Variants in ASIC2 observed in about 807,000 individuals in gnomAD.
ASIC2 encodes the protein acid-sensing ion channel 2.
In ASIC2, 25 loss-of-function variants were observed where a neutral mutation model predicts 57.3. The ratio of observed to expected loss-of-function variants is 0.44; its 90% CI spans 0.32 to 0.61. The LOEUF (loss-of-function observed/expected upper bound fraction) is 0.61, where lower values mean the gene tolerates loss of function less well. Ranked by LOEUF, ASIC2 falls within the 20% of genes least tolerant of loss-of-function variation. The probability of loss-of-function intolerance (pLI) is 0.06; values close to 1 mark genes in which losing one functional copy is unlikely to be tolerated. For missense variants in ASIC2, 641 were observed against 738.1 expected (o/e 0.87, Z 1.52); for synonymous variants, 319 against 307.5 (o/e 1.04, Z -0.39).
intron 1 of ASIC2, among the ~76,000 whole-genome samples, chr17:33,484,762 A>C (rs886896491): frequency 1.3e-5 from 2 of 152,232 alleles, no homozygotes; most frequent in African/African-American, 2.4e-5. Flanking sequence ...AGAAATGCCC[A>C]TGAGTGTGAC....
Position 34,131,810 on chromosome 17 carries a change from A to G in ASIC2, c.555+24168T>C, listed in dbSNP as rs1434093733. ...CCCCCTGTCCAAATGGGACCAGATA[A>G]ACAAGAGGCCCTGAAAGGTCTGAGA... On this transcript the variant is annotated intron_variant, in intron 1 of 9. Transcript: ENST00000359872. Among the ~76,000 whole-genome samples the G allele has an allele frequency of 3.9e-5, 6 of 152,170 alleles. No individual in the cohort carries two copies. In the South Asian group the frequency reaches 1.0e-3, roughly 26 times the overall value.
chr17:33,596,446 G>A lies in ASIC2; in HGVS notation c.556-484379C>T, dbSNP rs562661676. On this transcript the variant is annotated intron_variant, in intron 1 of 9. Coordinates refer to the ASIC2 transcript ENST00000359872. ...ACAAACCAATTTTGATATAACGGGGGAGAAAAGGTAAGAGGGTAGGAGCAA... is the reference window on the plus strand; with the variant it reads ...ACAAACCAATTTTGATATAACGGGGAAGAAAAGGTAAGAGGGTAGGAGCAA... 4.6e-5 allele frequency among the ~76,000 whole-genome samples: 7 copies of A among 152,246 alleles called. No individual in the cohort carries two copies. In the South Asian group the frequency reaches 1.2e-3, roughly 27 times the overall value.
chr17:33,854,608 G>A lies in ASIC2; in HGVS notation c.555+301370C>T, dbSNP rs111893400. Reference sequence around the variant, plus strand: ...GTAGGGAACTGTGGGTGGGGGAAGCGGCTTCTTTACAGGAGCAAGATCTGC... The same window carrying A: ...GTAGGGAACTGTGGGTGGGGGAAGCAGCTTCTTTACAGGAGCAAGATCTGC... On this transcript the variant is annotated intron_variant, in intron 1 of 9. Coordinates refer to the ASIC2 transcript ENST00000359872. Among the ~76,000 whole-genome samples the A allele has an allele frequency of 7.4e-3, 1,123 of 152,236 alleles. 11 individuals carry two copies. The highest frequency in any genetic ancestry group is 0.021 in the African/African-American group (869 of 41,522).
At chr17:33,193,688 A>G (rs546406261) in intron 1 of ASIC2, among the ~76,000 whole-genome samples, 1 of 152,038 alleles carries the variant, frequency 6.6e-6, no homozygotes, top group Non-Finnish European at 1.5e-5. Context: ...AGGCCTGGGG[A>G]TCTTGTTATG....
At chr17:33,390,169 C>G (rs555853014) in intron 1 of ASIC2, among the ~76,000 whole-genome samples, 16 of 152,102 alleles carry the variant, frequency 1.1e-4, no homozygotes, top group Non-Finnish European at 2.1e-4. Flanking sequence ...AAAAATTAGC[C>G]AGGTGTGGTG....
chr17:33,427,322 C>A (rs2141975868), intron 1 of ASIC2, among the ~76,000 whole-genome samples: 1 of 152,284 alleles, frequency 6.6e-6, no homozygotes, highest in East Asian at 1.9e-4. Flanking sequence ...CAAGTATTTT[C>A]ATGTTGCAGA....
intron 3 of ASIC2, among the ~76,000 whole-genome samples, chr17:33,053,030 A>G (rs1320254827): frequency 6.6e-6 from 1 of 152,204 alleles, no homozygotes; most frequent in African/African-American, 2.4e-5. Flanking sequence ...GGCAGCATGG[A>G]GAACCGCCCA....
chr17:33,976,619 G>C (rs1271337601), intron 1 of ASIC2: 3 of 152,150 alleles, frequency 2.0e-5, no homozygotes, highest in Non-Finnish European at 4.4e-5. Flanking sequence ...TCCAGGAGGA[G>C]GGCATCATTA....
chr17:34,129,754 A>C lies in ASIC2; in HGVS notation c.555+26224T>G, dbSNP rs56164744. ...GAAGCCTTTTATAATGGAATACCTA[A>C]AACAGGGCATACTAGTAGCTGCTTC... On this transcript the variant is annotated intron_variant, in intron 1 of 9. Transcript: ENST00000359872. Among the ~76,000 whole-genome samples the C allele has an allele frequency of 9.0e-3, 1,372 of 152,326 alleles. 27 individuals are homozygous for C. Among genetic ancestry groups the C allele is most frequent in the African/African-American group, 0.032 (1,311 of 41,556 alleles).
Position 34,132,887 on chromosome 17 carries a change from T to C in ASIC2, c.555+23091A>G, listed in dbSNP as rs1238323993. Among the ~76,000 whole-genome samples the C allele has an allele frequency of 2.0e-5, 3 of 152,216 alleles. No individual in the cohort carries two copies. The East Asian group carries it at 5.8e-4, about 29-fold the overall frequency. ...CCTGGAAGCCTGTGCTCAGCTGACCTCTGTAGACAGTGAGGGTAGGGCTCC... is the reference window on the plus strand; with the variant it reads ...CCTGGAAGCCTGTGCTCAGCTGACCCCTGTAGACAGTGAGGGTAGGGCTCC... On this transcript the variant is annotated intron_variant, in intron 1 of 9. Transcript: ENST00000359872.
intron 1 of ASIC2, among the ~76,000 whole-genome samples, chr17:33,176,176 A>G (rs917737439): frequency 3.3e-5 from 5 of 152,100 alleles, no homozygotes; most frequent in Admixed American, 3.3e-4. Flanking sequence ...GGCTGGGCAG[A>G]CAGCATCCTG....
intron 1 of ASIC2, among the ~76,000 whole-genome samples, chr17:33,557,696 A>G (rs900013004): frequency 1.3e-5 from 2 of 152,196 alleles, no homozygotes; most frequent in Non-Finnish European, 2.9e-5. Flanking sequence ...ATATGATAAC[A>G]CCAATGATCT....
At chr17:33,721,666 A>G (rs1345470156) in intron 1 of ASIC2, among the ~76,000 whole-genome samples, 2 of 152,268 alleles carry the variant, frequency 1.3e-5, no homozygotes. Flanking sequence ...GATTACAGGC[A>G]TGTGCCACTG....
intron 1 of ASIC2, among the ~76,000 whole-genome samples, chr17:33,346,383 G>C (rs1907951022): frequency 6.6e-6 from 1 of 152,072 alleles, no homozygotes; most frequent in Non-Finnish European, 1.5e-5. Context: ...GAGTAGAAGG[G>C]AACTTCAAGA....
Position 33,138,904 on chromosome 17 carries a change from T to C in ASIC2, c.709-26837A>G, listed in dbSNP as rs530153255. 3.3e-5 allele frequency among the ~76,000 whole-genome samples: 5 copies of C among 152,308 alleles called. No individual in the cohort carries two copies. The South Asian group carries it at 8.3e-4, about 25-fold the overall frequency. On this transcript the variant is annotated intron_variant, in intron 1 of 9. Transcript: ENST00000225823. Reference sequence around the variant, plus strand: ...GATCACATAGTATTTAGTGGGATGGTAGAAGTGGTTAGAGAAAGGCCCTGG... The same window carrying C: ...GATCACATAGTATTTAGTGGGATGGCAGAAGTGGTTAGAGAAAGGCCCTGG...
chr17:33,054,369 T>C (rs1190322170), intron 3 of ASIC2, among the ~76,000 whole-genome samples: 5 of 152,188 alleles, frequency 3.3e-5, no homozygotes, highest in African/African-American at 1.2e-4. Flanking sequence ...TTTCCCTCCC[T>C]GGGCCTCAGT....
At chr17:33,751,653 C>G (rs559093178) in intron 1 of ASIC2, among the ~76,000 whole-genome samples, 1 of 152,196 alleles carries the variant, frequency 6.6e-6, no homozygotes, top group Non-Finnish European at 1.5e-5. Context: ...TTTTTCAACT[C>G]TTCTGTATAA....
intron 1 of ASIC2, chr17:33,634,808 C>A (rs1906301914): frequency 6.6e-6 from 1 of 151,836 alleles, no homozygotes; most frequent in Admixed American, 6.6e-5. Flanking sequence ...CTGCCTCAGC[C>A]TCCTGAAGTG....
intron 1 of ASIC2, among the ~76,000 whole-genome samples, chr17:33,702,048 C>T (rs1298550312): frequency 6.6e-6 from 1 of 152,208 alleles, no homozygotes; most frequent in African/African-American, 2.4e-5. Context: ...TAACAGGGCT[C>T]ATTCTGGAAG....
Sources: allele counts gnomAD v4.1 joint callset (sites outside exome capture counted in the v4.1 genomes callset), GRCh38; gene constraint gnomAD v4.1.1; transcripts MANE v1.5; gene names NCBI Gene and HGNC (gene_info 2026-07-23, HGNC 2026-07-21).